DOCK3: variants seen among roughly 807,000 people sequenced by gnomAD.
DOCK3 encodes the protein dedicator of cytokinesis 3.
DOCK3 carries 60 observed loss-of-function variants against 265.6 expected under a neutral mutation model. That is an observed-to-expected ratio of 0.23 (90% CI 0.18 to 0.28). The LOEUF is 0.28. Ranked by LOEUF, DOCK3 falls within the 10% of genes least tolerant of loss-of-function variation. The pLI is 1.00. For missense variants in DOCK3, 1,981 were observed against 2,594.3 expected, an observed-to-expected ratio of 0.76 and a Z score of 5.14; for synonymous variants, 881 against 938.0, an observed-to-expected ratio of 0.94 and a Z score of 1.11.
intron 5 of DOCK3, among the ~76,000 whole-genome samples, chr3:50,937,656 G>GA (rs1051801756): frequency 1.6e-4 from 25 of 152,028 alleles, no homozygotes; most frequent in African/African-American, 5.1e-4. Context: ...ACTCTGTCTC[G>GA]AAAAACAACA....
At chr3:50,931,626 GAGA>G (rs1357750652) in intron 4 of DOCK3, among the ~76,000 whole-genome samples, 1 of 152,178 alleles carries the variant, frequency 6.6e-6, no homozygotes, top group African/African-American at 2.4e-5. Context: ...CTTTTCATCT[GAGA>G]AGATCAATAT....
intron 23 of DOCK3, among the ~76,000 whole-genome samples, chr3:51,263,910 C>A (rs2080007739): frequency 6.6e-6 from 1 of 152,198 alleles, no homozygotes; most frequent in Non-Finnish European, 1.5e-5. Context: ...CACCCAGGTT[C>A]ATAGAGCAAG....
intron 3 of DOCK3, among the ~76,000 whole-genome samples, chr3:50,889,416 A>G (rs1481500209): frequency 6.6e-6 from 1 of 151,168 alleles, no homozygotes; most frequent in Admixed American, 6.6e-5. Flanking sequence ...AGCATTTTAT[A>G]CATCAGGAGA....
chr3:51,196,665 A>G (rs536075156), intron 12 of DOCK3, among the ~76,000 whole-genome samples: 3 of 152,312 alleles, frequency 2.0e-5, no homozygotes, highest in African/African-American at 7.2e-5. Flanking sequence ...ATTCTAGTCT[A>G]TTACAGAAGC....
intron 1 of DOCK3, among the ~76,000 whole-genome samples, chr3:50,734,923 A>T (rs2038490400): frequency 6.6e-6 from 1 of 152,090 alleles, no homozygotes. Context: ...TTTATACTTA[A>T]TATATTTTCA....
Position 51,160,562 on chromosome 3 carries a change from G to GCTC in DOCK3, c.900_902dup (p.Leu301dup). On this transcript the variant is annotated inframe_insertion, in exon 12 of 53. Transcript: ENST00000266037. The stretch of plus-strand genomic sequence containing the variant: ...TTTTCTGCTGTGCCCAAGGCCGGAT[G>GCTC]CTCCTGAACGACTCAAAGAAAGGTC... The GCTC allele has an allele frequency of 6.2e-7, 1 of 1,609,192 alleles. No homozygotes were observed. Among genetic ancestry groups the GCTC allele is most frequent in the Non-Finnish European group, 8.5e-7 (1 of 1,178,216 alleles).
At chr3:51,177,445 G>A (rs1463125014) in intron 12 of DOCK3, among the ~76,000 whole-genome samples, 1 of 152,028 alleles carries the variant, frequency 6.6e-6, no homozygotes, top group Non-Finnish European at 1.5e-5. Context: ...TTAAAATTTA[G>A]GCGTTCTTTT....
rs1479416062 is a variant in DOCK3, at chr3:51,045,552, G to T, written c.316-18896G>T. On this transcript the variant is annotated intron_variant, in intron 5 of 52. Coordinates refer to ENST00000266037, the MANE Select transcript of DOCK3 (RefSeq NM_004947.5). ...AGCTGATAGACTCACTTGGCACAGGGTTGCCTAGTTTTGCAATTTGTAAAA... is the reference window on the plus strand; with the variant it reads ...AGCTGATAGACTCACTTGGCACAGGTTTGCCTAGTTTTGCAATTTGTAAAA... Among the ~76,000 whole-genome samples, 4 of 152,150 alleles carry T rather than the reference G, an allele frequency of 2.6e-5. No individual in the cohort carries two copies. The East Asian group carries it at 7.7e-4, about 29-fold the overall frequency.
At chr3:51,115,423 T>C (rs1228773508) in intron 9 of DOCK3, among the ~76,000 whole-genome samples, 4 of 152,240 alleles carry the variant, frequency 2.6e-5, no homozygotes, top group African/African-American at 9.6e-5. Context: ...CATATGCTTG[T>C]TGACTGCATA....
At chr3:50,686,910 A>G (rs1313377517) in intron 1 of DOCK3, among the ~76,000 whole-genome samples, 1 of 116,532 alleles carries the variant, frequency 8.6e-6, no homozygotes, top group Non-Finnish European at 2.0e-5. Flanking sequence ...CTCCATCTCA[A>G]AAAAAAAAAA....
intron 1 of DOCK3, among the ~76,000 whole-genome samples, chr3:50,716,563 A>T (rs1011812944): frequency 4.0e-5 from 6 of 150,988 alleles, no homozygotes; most frequent in South Asian, 2.1e-4. Context: ...TAATAAAATT[A>T]AAAAAAATTA....
intron 2 of DOCK3, among the ~76,000 whole-genome samples, chr3:50,814,867 C>T (rs529115389): frequency 1.3e-5 from 2 of 152,164 alleles, no homozygotes; most frequent in East Asian, 3.9e-4. Context: ...GCTCTGCCGC[C>T]AGGCTGGAGT....
At chr3:51,224,736 A>AT (rs56741807) in intron 14 of DOCK3, among the ~76,000 whole-genome samples, 128 of 144,736 alleles carry the variant, frequency 8.8e-4, no homozygotes, top group South Asian at 2.0e-3. Context: ...GCGTTTTACT[A>AT]TTTTTTTTTT....
At chr3:51,239,559 T>G (rs532617860) in intron 21 of DOCK3, among the ~76,000 whole-genome samples, 11 of 139,942 alleles carry the variant, frequency 7.9e-5, no homozygotes, top group Non-Finnish European at 1.4e-4. Flanking sequence ...TCCTGGGTTT[T>G]TTTTTTGTTT....
chr3:50,894,699 TCAA>T (rs1411577053), intron 4 of DOCK3, among the ~76,000 whole-genome samples: 1 of 152,132 alleles, frequency 6.6e-6, no homozygotes, highest in Non-Finnish European at 1.5e-5. Flanking sequence ...AATTGTGTCA[TCAA>T]CAATAAAACA....
At chr3:50,889,460 G>GTT (rs566025782) in intron 3 of DOCK3, among the ~76,000 whole-genome samples, 9 of 140,010 alleles carry the variant, frequency 6.4e-5, no homozygotes, top group African/African-American at 2.1e-4. Flanking sequence ...AACTGATGTG[G>GTT]TTTTTTTTTT....
chr3:51,178,469 C>A (rs542716613), intron 12 of DOCK3, among the ~76,000 whole-genome samples: 1 of 152,186 alleles, frequency 6.6e-6, no homozygotes, highest in Non-Finnish European at 1.5e-5. Flanking sequence ...TTCACACCCC[C>A]ATTCTGGAGG....
intron 5 of DOCK3, among the ~76,000 whole-genome samples, chr3:50,952,607 A>G (rs2076623312): frequency 6.6e-6 from 1 of 152,150 alleles, no homozygotes; most frequent in African/African-American, 2.4e-5. Flanking sequence ...CAGCTTCTTC[A>G]TCCTCCCTTG....
intron 29 of DOCK3, 134 bp downstream of exon 29, chr3:51,312,213 T>C (rs2083106614): frequency 1.2e-6 from 1 of 837,028 alleles, no homozygotes; most frequent in African/African-American, 1.7e-5. Flanking sequence ...GATTAGAATA[T>C]GACCTGGGAT....
Sources: gnomAD v4.1 joint callset for allele counts (sites outside exome capture counted in the v4.1 genomes callset) on GRCh38, gnomAD v4.1.1 for gene constraint, MANE v1.5 for transcripts, NCBI Gene and HGNC (gene_info 2026-07-23, HGNC 2026-07-21) for gene names.